Variants in MSRA observed in about 807,000 individuals in gnomAD.
The protein encoded by MSRA is methionine sulfoxide reductase A.
A neutral mutation model predicts 31.3 loss-of-function variants in MSRA; 54 were observed. The observed-to-expected ratio is 1.73, with a 90% CI of 1.39 to 2.17. The LOEUF is 2.17. Ranked by LOEUF, MSRA falls within the 30% of genes most tolerant of loss-of-function variation. The pLI is 0.00. For synonymous variants in MSRA, 169 were observed against 116.5 expected (o/e 1.45, Z -2.90); for missense variants, 507 against 300.9 (o/e 1.69, Z -5.07).
chr8:10,267,266 C>T (rs953745527), intron 3 of MSRA, among the ~76,000 whole-genome samples: 14 of 152,198 alleles, frequency 9.2e-5, no homozygotes, highest in African/African-American at 1.9e-4. Flanking sequence ...GGAGCACGGG[C>T]TCTGCCGTTC....
In MSRA at chr8:10,428,275, G is replaced by A. The variant is rs753476880; in HGVS notation, c.671G>A (p.Gly224Asp). Residue 224 changes from glycine to aspartate, a missense_variant, in exon 6 of 6, where the codon GGC (glycine) becomes GAC (aspartate). Gly to Asp is a moderately conservative substitution (Grantham distance 94, BLOSUM62 -1). Coordinates refer to ENST00000317173, the MANE Select transcript of MSRA (RefSeq NM_012331.5). ...CCCAATGGCTACTGCGGCCTTGGGG[G>A]CACCGGCGTGTCCTGCCCAGTGGGT... ...KNPNGYCGLGGTGVSCPVGIK... is the reference protein window; with the variant it reads ...KNPNGYCGLGDTGVSCPVGIK... The A allele has an allele frequency of 5.6e-6, 9 of 1,614,014 alleles. No individual in the cohort carries two copies. In the East Asian group the frequency reaches 2.0e-4, roughly 36 times the overall value.
chr8:10,104,598 G>A (rs1441477580), intron 1 of MSRA, among the ~76,000 whole-genome samples: 1 of 152,184 alleles, frequency 6.6e-6, no homozygotes, highest in Non-Finnish European at 1.5e-5. Flanking sequence ...CTAAGGGGTT[G>A]TGGAGACCAA....
At chr8:10,258,834 C>T (rs1235498833) in intron 3 of MSRA, among the ~76,000 whole-genome samples, 1 of 152,152 alleles carries the variant, frequency 6.6e-6, no homozygotes, top group Admixed American at 6.5e-5. Flanking sequence ...CAGCGAGGTG[C>T]GGAGGCTCAT....
intron 2 of MSRA, among the ~76,000 whole-genome samples, chr8:10,231,179 C>G (rs1811443639): frequency 6.6e-6 from 1 of 151,824 alleles, no homozygotes; most frequent in Non-Finnish European, 1.5e-5. Flanking sequence ...AAGGAGGGAG[C>G]TGAGGCGGGC....
At chr8:10,070,844 TC>T (rs1280342531) in intron 1 of MSRA, among the ~76,000 whole-genome samples, 2 of 152,246 alleles carry the variant, frequency 1.3e-5, no homozygotes, top group African/African-American at 4.8e-5. Flanking sequence ...TTGTTCTTTT[TC>T]ATTACAGAGT....
At chr8:10,361,227 T>A (rs1001977230) in intron 5 of MSRA, among the ~76,000 whole-genome samples, 9 of 152,312 alleles carry the variant, frequency 5.9e-5, no homozygotes, top group African/African-American at 2.2e-4. Flanking sequence ...ACAGGCCTTT[T>A]GAAATGCAGT....
At chr8:10,288,041 A>G (rs967449726) in intron 3 of MSRA, among the ~76,000 whole-genome samples, 3 of 152,132 alleles carry the variant, frequency 2.0e-5, no homozygotes, top group African/African-American at 7.2e-5. Context: ...TACTTAGTGA[A>G]TGAATCCCTC....
chr8:10,301,544 C>G lies in MSRA; in HGVS notation c.342C>G (p.Gly114=), dbSNP rs1345317499. The G allele has an allele frequency of 1.7e-5, 28 of 1,612,064 alleles. No individual in the cohort carries two copies. Among genetic ancestry groups the G allele is most frequent in the Non-Finnish European group, 2.2e-5 (26 of 1,179,410 alleles). ...TTTGTTTTTTCCAAGAAAAAACTGG[C>G]CATGCAGAAGTCGTCCGAGTGGTGT... ...TYKEVCSEKT[G]HAEVVRVVYQ... is the part of the protein sequence containing the mutation. Residue 114 remains glycine, a synonymous_variant, in exon 4 of 6, where the codon GGC becomes GGG. Coordinates refer to ENST00000317173, the MANE Select transcript of MSRA (RefSeq NM_012331.5).
intron 1 of MSRA, among the ~76,000 whole-genome samples, chr8:10,062,002 G>A (rs1350941253): frequency 2.0e-5 from 3 of 152,192 alleles, no homozygotes; most frequent in African/African-American, 7.2e-5. Flanking sequence ...GCGTTGGGTG[G>A]GGGAAGGGAG....
At chr8:10,083,464 A>T (rs533004646) in intron 1 of MSRA, among the ~76,000 whole-genome samples, 1 of 152,354 alleles carries the variant, frequency 6.6e-6, no homozygotes, top group Admixed American at 6.5e-5. Flanking sequence ...TGATGGAGAA[A>T]TATTTGATAT....
chr8:10,112,937 G>A (rs1800391499), intron 1 of MSRA, among the ~76,000 whole-genome samples: 1 of 152,110 alleles, frequency 6.6e-6, no homozygotes, highest in Non-Finnish European at 1.5e-5. Context: ...TTTCAGGAGA[G>A]GTCATTCCTG....
intron 4 of MSRA, among the ~76,000 whole-genome samples, chr8:10,311,083 C>A (rs568365660): frequency 6.6e-6 from 1 of 152,128 alleles, no homozygotes; most frequent in African/African-American, 2.4e-5. Context: ...CTAGACTTCA[C>A]ATAAAAGAGT....
At chr8:10,141,727 T>TTG (rs1802724063) in intron 1 of MSRA, among the ~76,000 whole-genome samples, 1 of 152,204 alleles carries the variant, frequency 6.6e-6, no homozygotes, top group African/African-American at 2.4e-5. Context: ...GCTTTTTTTT[T>TTG]TTTTGTTTTA....
At chr8:10,092,954 A>G (rs936496764) in intron 1 of MSRA, among the ~76,000 whole-genome samples, 8 of 152,180 alleles carry the variant, frequency 5.3e-5, no homozygotes, top group African/African-American at 1.9e-4. Flanking sequence ...TATCTTTAGT[A>G]GCAAGCGTTT....
chr8:10,385,721 G>A (rs1441138144), intron 5 of MSRA, among the ~76,000 whole-genome samples: 1 of 151,584 alleles, frequency 6.6e-6, no homozygotes, highest in Non-Finnish European at 1.5e-5. Flanking sequence ...CAGGGCGGAG[G>A]TGGAAGAGCT....
At chr8:10,223,374 A>T (rs1810696940) in intron 2 of MSRA, among the ~76,000 whole-genome samples, 1 of 152,232 alleles carries the variant, frequency 6.6e-6, no homozygotes. Context: ...GTGATTTAGA[A>T]TATGAAATCA....
intron 5 of MSRA, among the ~76,000 whole-genome samples, chr8:10,360,574 C>T (rs76077722): frequency 0.01 from 1,524 of 152,272 alleles, 25 homozygotes; most frequent in African/African-American, 0.035. Context: ...CCTTGCCGAA[C>T]GTCTGACGGC....
chr8:10,245,493 C>T (rs1016437635), intron 3 of MSRA, among the ~76,000 whole-genome samples: 1 of 152,188 alleles, frequency 6.6e-6, no homozygotes, highest in Non-Finnish European at 1.5e-5. Flanking sequence ...GCTTGTAATT[C>T]TGATGATCAG....
At chr8:10,201,105 G>T (rs1808458959) in intron 1 of MSRA, among the ~76,000 whole-genome samples, 1 of 152,130 alleles carries the variant, frequency 6.6e-6, no homozygotes, top group African/African-American at 2.4e-5. Flanking sequence ...GGGACTGTGA[G>T]ACCATATTTT....
Sources: allele counts gnomAD v4.1 joint callset (sites outside exome capture counted in the v4.1 genomes callset), GRCh38; gene constraint gnomAD v4.1.1; transcripts MANE v1.5; gene names NCBI Gene and HGNC (gene_info 2026-07-23, HGNC 2026-07-21).